The following GABPB1 variants were observed in gnomAD, a reference collection of about 807,000 sequenced individuals.
GABPB1 encodes GA-binding protein subunit beta-1.
Under a neutral mutation model 45.9 loss-of-function variants are expected in GABPB1, and 15 were observed. The observed-to-expected ratio is 0.33, with a 90% CI of 0.22 to 0.50. GABPB1 has a LOEUF of 0.50. Ranked by LOEUF, GABPB1 falls within the 20% of genes least tolerant of loss-of-function variation. The pLI is 0.98. For missense variants in GABPB1, 252 were observed against 457.5 expected (o/e 0.55, Z 4.10); for synonymous variants, 143 against 154.4 (o/e 0.93, Z 0.55).
At chr15:50,295,605 A>T (rs963586009) in intron 6 of GABPB1, among the ~76,000 whole-genome samples, 1 of 149,374 alleles carries the variant, frequency 6.7e-6, no homozygotes, top group Non-Finnish European at 1.5e-5. Flanking sequence ...AAGAAAATAC[A>T]TATCTGTAAT....
At chr15:50,304,779 T>C (rs904233933) in intron 2 of GABPB1, among the ~76,000 whole-genome samples, 1 of 152,102 alleles carries the variant, frequency 6.6e-6, no homozygotes, top group Non-Finnish European at 1.5e-5. Flanking sequence ...TAGAATGTAT[T>C]CCTCATACCA....
chr15:50,320,761 G>A (rs1355907492), intron 1 of GABPB1, among the ~76,000 whole-genome samples: 4 of 152,156 alleles, frequency 2.6e-5, no homozygotes, highest in Admixed American at 2.0e-4. Context: ...GTGACATTGG[G>A]AGCAGAAGGT....
At chr15:50,317,643 C>T (rs931975423) in intron 1 of GABPB1, among the ~76,000 whole-genome samples, 5 of 152,036 alleles carry the variant, frequency 3.3e-5, no homozygotes, top group African/African-American at 1.2e-4. Context: ...GGCGCGGTGG[C>T]TCACGCCTGT....
intron 1 of GABPB1, chr15:50,352,335 C>A (rs1224225333): frequency 1.4e-5 from 2 of 141,398 alleles, no homozygotes; most frequent in South Asian, 2.2e-4. Flanking sequence ...ACCAAGCATA[C>A]TTTTTTTTTT....
chr15:50,340,995 C>CATATGGTTTATTACCTTATGTA (rs1567546183), intron 1 of GABPB1, among the ~76,000 whole-genome samples: 2 of 123,338 alleles, frequency 1.6e-5, no homozygotes, highest in African/African-American at 6.0e-5. Flanking sequence ...TGTAATATTA[C>CATATGGTTTATTACCTTATGTA]ATATTACATA....
chr15:50,346,583 G>A (rs931309068), intron 1 of GABPB1, among the ~76,000 whole-genome samples: 1 of 133,154 alleles, frequency 7.5e-6, no homozygotes, highest in African/African-American at 2.8e-5. Context: ...ACAAACAACA[G>A]AAAGTTTTTT....
At chr15:50,317,483 T>C (rs1472072147) in intron 1 of GABPB1, among the ~76,000 whole-genome samples, 1 of 151,886 alleles carries the variant, frequency 6.6e-6, no homozygotes, top group African/African-American at 2.4e-5. Flanking sequence ...TTTTCCCTTT[T>C]TTCTACTTTT....
At chr15:50,320,172 AT>A (rs1555512245) in intron 1 of GABPB1, among the ~76,000 whole-genome samples, 1 of 151,906 alleles carries the variant, frequency 6.6e-6, no homozygotes, top group Non-Finnish European at 1.5e-5. Context: ...TCTTTTTTTC[AT>A]TTTACTTTTT....
chr15:50,311,361 G>A (rs938437506), intron 1 of GABPB1, among the ~76,000 whole-genome samples: 2 of 152,020 alleles, frequency 1.3e-5, no homozygotes, highest in African/African-American at 4.8e-5. Flanking sequence ...AATGTGCCTG[G>A]GGTATAAATT....
intron 8 of GABPB1, among the ~76,000 whole-genome samples, chr15:50,283,161 T>G (rs1389384211): frequency 6.6e-6 from 1 of 152,236 alleles, no homozygotes; most frequent in African/African-American, 2.4e-5. Context: ...AGAAATCTGT[T>G]ACTCCTAATA....
intron 1 of GABPB1, among the ~76,000 whole-genome samples, chr15:50,335,133 T>C (rs979470241): frequency 2.6e-5 from 4 of 152,316 alleles, no homozygotes; most frequent in East Asian, 3.9e-4. Context: ...TTCCCACCTA[T>C]GCTTTGTAAA....
intron 1 of GABPB1, among the ~76,000 whole-genome samples, chr15:50,313,785 G>C (rs1385808147): frequency 6.6e-6 from 1 of 151,988 alleles, no homozygotes; most frequent in Non-Finnish European, 1.5e-5. Context: ...GTTTAGGATG[G>C]TATGATTATG....
chr15:50,285,088 T>C (rs2046108282), intron 8 of GABPB1, among the ~76,000 whole-genome samples: 1 of 152,186 alleles, frequency 6.6e-6, no homozygotes, highest in Non-Finnish European at 1.5e-5. Context: ...ACTTATGTTG[T>C]CTTTTAGTGA....
chr15:50,333,206 C>G (rs928433815), intron 1 of GABPB1, among the ~76,000 whole-genome samples: 1 of 152,120 alleles, frequency 6.6e-6, no homozygotes, highest in Non-Finnish European at 1.5e-5. Context: ...TGGCTCACAC[C>G]TACAATCCCA....
chr15:50,327,192 C>A (rs548972769), intron 1 of GABPB1: 1 of 152,310 alleles, frequency 6.6e-6, no homozygotes, highest in East Asian at 1.9e-4. Context: ...GTATAACTTA[C>A]CTGCTTCCTA....
intron 1 of GABPB1, among the ~76,000 whole-genome samples, chr15:50,312,013 G>A (rs1410671626): frequency 6.6e-6 from 1 of 152,142 alleles, no homozygotes; most frequent in Non-Finnish European, 1.5e-5. Flanking sequence ...AGGCAAGAAA[G>A]AATTTCTTAG....
intron 1 of GABPB1, among the ~76,000 whole-genome samples, chr15:50,336,697 C>T (rs1485275323): frequency 1.3e-5 from 2 of 151,814 alleles, no homozygotes; most frequent in Non-Finnish European, 2.9e-5. Context: ...GCAAAACTCA[C>T]AAACTGCATA....
intron 1 of GABPB1, chr15:50,349,243 G>A (rs1270920603): frequency 2.0e-5 from 3 of 151,986 alleles, no homozygotes; most frequent in African/African-American, 7.2e-5. Flanking sequence ...CTATTGGAAG[G>A]CTACACATTA....
At chr15:50,311,322 T>TATGGA (rs1009632500) in intron 1 of GABPB1, among the ~76,000 whole-genome samples, 7 of 152,152 alleles carry the variant, frequency 4.6e-5, no homozygotes, top group African/African-American at 1.4e-4. Flanking sequence ...GAAGGGAATA[T>TATGGA]ATGGAATCCC....
Sources: allele counts gnomAD v4.1 joint callset (sites outside exome capture counted in the v4.1 genomes callset), GRCh38; gene constraint gnomAD v4.1.1; transcripts MANE v1.5; gene names NCBI Gene and HGNC (gene_info 2026-07-23, HGNC 2026-07-21).